Variants in GMDS observed in about 807,000 individuals in gnomAD.
The protein encoded by GMDS is GDP-mannose 4,6 dehydratase.
In GMDS, 20 loss-of-function variants were observed where a neutral mutation model predicts 49.9. The ratio of observed to expected loss-of-function variants is 0.40; its 90% CI spans 0.28 to 0.58. GMDS has a LOEUF of 0.58. Among genes scored for constraint, GMDS ranks in the 20% least tolerant of loss-of-function variants. The pLI is 0.42. For synonymous variants in GMDS, 177 were observed against 178.6 expected (o/e 0.99, Z 0.07); for missense variants, 362 against 481.4 (o/e 0.75, Z 2.32).
intron 9 of GMDS, among the ~76,000 whole-genome samples, chr6:1,715,077 G>A (rs1224377848): frequency 7.2e-5 from 11 of 152,148 alleles, no homozygotes; most frequent in Admixed American, 7.2e-4. Flanking sequence ...GAAGAAAAAA[G>A]GAGAGAACAT....
intron 4 of GMDS, among the ~76,000 whole-genome samples, chr6:2,066,580 A>C (rs1271062206): frequency 2.0e-5 from 3 of 151,834 alleles, no homozygotes; most frequent in South Asian, 2.1e-4. Context: ...TCTACCAAGC[A>C]AATGGAAAAC....
At chr6:1,704,858 G>C (rs968487115) in intron 9 of GMDS, among the ~76,000 whole-genome samples, 1 of 152,050 alleles carries the variant, frequency 6.6e-6, no homozygotes, top group African/African-American at 2.4e-5. Context: ...CGGTGGAGAG[G>C]GGGGCGGGGG....
intron 4 of GMDS, among the ~76,000 whole-genome samples, chr6:2,078,988 T>C (rs1320819471): frequency 6.6e-6 from 1 of 151,110 alleles, no homozygotes; most frequent in African/African-American, 2.4e-5. Context: ...GTTGCTGAAT[T>C]GATTCCTTTG....
chr6:2,021,929 T>G (rs1768299353), intron 4 of GMDS, among the ~76,000 whole-genome samples: 1 of 152,222 alleles, frequency 6.6e-6, no homozygotes, highest in African/African-American at 2.4e-5. Context: ...CACTGTCTCT[T>G]TCTCAACATC....
chr6:2,216,500 T>A lies in GMDS; in HGVS notation c.102+28821A>T, dbSNP rs1160897056. On this transcript the variant is annotated intron_variant, in intron 1 of 10. Coordinates refer to ENST00000380815, the MANE Select transcript of GMDS (RefSeq NM_001500.4). Reference sequence around the variant, plus strand: ...GGAGGTGTGTGCAGGTGTAAGCGTGTGTGAGCACGTGTGCACATGGGTAAA... The same window carrying A: ...GGAGGTGTGTGCAGGTGTAAGCGTGAGTGAGCACGTGTGCACATGGGTAAA... 5.3e-5 allele frequency among the ~76,000 whole-genome samples: 8 copies of A among 152,332 alleles called. No individual in the cohort carries two copies. In the East Asian group the frequency reaches 1.5e-3, roughly 29 times the overall value.
At chr6:1,708,260 C>T (rs1055121399) in intron 9 of GMDS, among the ~76,000 whole-genome samples, 3 of 152,168 alleles carry the variant, frequency 2.0e-5, no homozygotes, top group South Asian at 2.1e-4. Context: ...GGAAACAACT[C>T]GAAGGCTGTA....
chr6:1,910,794 A>G (rs1761012962), intron 7 of GMDS, among the ~76,000 whole-genome samples: 1 of 152,224 alleles, frequency 6.6e-6, no homozygotes, highest in African/African-American at 2.4e-5. Context: ...GTATATATAG[A>G]TTGTTAATAA....
chr6:1,756,770 G>A (rs1371452629), intron 7 of GMDS, among the ~76,000 whole-genome samples: 4 of 152,226 alleles, frequency 2.6e-5, no homozygotes. Flanking sequence ...CTCCAGCTAA[G>A]CGTTCTGACA....
At chr6:2,051,704 G>A (rs1770406217) in intron 4 of GMDS, among the ~76,000 whole-genome samples, 1 of 152,158 alleles carries the variant, frequency 6.6e-6, no homozygotes, top group Non-Finnish European at 1.5e-5. Flanking sequence ...ATATGTTTAA[G>A]TCTGGTGCCA....
chr6:1,894,147 A>G (rs527867759), intron 7 of GMDS, among the ~76,000 whole-genome samples: 51 of 152,354 alleles, frequency 3.3e-4, no homozygotes, highest in African/African-American at 1.2e-3. Context: ...CTTCAACAAA[A>G]TGAAATCACG....
intron 6 of GMDS, among the ~76,000 whole-genome samples, chr6:1,940,013 C>T (rs760307402): frequency 1.6e-4 from 24 of 152,228 alleles, no homozygotes; most frequent in Non-Finnish European, 3.2e-4. Context: ...CTGATGATGC[C>T]GTAGACGTAA....
rs540545622 is a variant in GMDS at position 2,065,945 on chromosome 6, G to C, written c.345+49826C>G. ...ATGCCACAAAGATACTGCTCAAGAA[G>C]AGCAACTCCAAGACACATAATTGTC... On this transcript the variant is annotated intron_variant, in intron 4 of 10. Transcript: ENST00000380815. Among the ~76,000 whole-genome samples the C allele has an allele frequency of 9.2e-5, 14 of 152,210 alleles. No individual in the cohort carries two copies. In the East Asian group the frequency reaches 2.7e-3, roughly 29 times the overall value.
At chr6:2,000,963 TGTTTAA>T (rs1193270046) in intron 4 of GMDS, among the ~76,000 whole-genome samples, 3 of 152,242 alleles carry the variant, frequency 2.0e-5, no homozygotes, top group Non-Finnish European at 2.9e-5. Context: ...TAAACATTCT[TGTTTAA>T]GTTTTTGTGT....
At chr6:2,231,528 C>T (rs1781110788) in intron 1 of GMDS, among the ~76,000 whole-genome samples, 1 of 152,084 alleles carries the variant, frequency 6.6e-6, no homozygotes, top group Non-Finnish European at 1.5e-5. Context: ...GGCTCCACTG[C>T]TTTTCAGCCT....
intron 1 of GMDS, among the ~76,000 whole-genome samples, chr6:2,225,434 A>T (rs1414899809): frequency 1.3e-5 from 2 of 152,210 alleles, no homozygotes; most frequent in Non-Finnish European, 2.9e-5. Flanking sequence ...TGATCCCTGC[A>T]ACAAAGCTGA....
At chr6:1,708,709 C>A (rs994785827) in intron 9 of GMDS, among the ~76,000 whole-genome samples, 46 of 152,214 alleles carry the variant, frequency 3.0e-4, no homozygotes, top group African/African-American at 1.0e-3. Context: ...GAAAGAAAGG[C>A]CAGTGAGCGC....
intron 4 of GMDS, among the ~76,000 whole-genome samples, chr6:2,054,871 CT>C (rs370409878): frequency 2.6e-4 from 40 of 152,114 alleles, no homozygotes; most frequent in African/African-American, 9.4e-4. Context: ...AGACTGACCC[CT>C]GACCCTGAGT....
intron 4 of GMDS, among the ~76,000 whole-genome samples, chr6:2,096,940 C>T (rs1426935380): frequency 1.3e-5 from 2 of 151,846 alleles, no homozygotes; most frequent in Admixed American, 6.5e-5. Flanking sequence ...TATAAAAATG[C>T]CCATATATTT....
At chr6:1,793,462 T>C (rs1042787219) in intron 7 of GMDS, among the ~76,000 whole-genome samples, 1 of 152,176 alleles carries the variant, frequency 6.6e-6, no homozygotes, top group Non-Finnish European at 1.5e-5. Flanking sequence ...TTCAAGAAGT[T>C]CATGAACAAA....
Sources: gnomAD v4.1 joint callset for allele counts (sites outside exome capture counted in the v4.1 genomes callset) on GRCh38, gnomAD v4.1.1 for gene constraint, MANE v1.5 for transcripts, NCBI Gene and HGNC (gene_info 2026-07-23, HGNC 2026-07-21) for gene names.